The following ZNF717 variants were observed in gnomAD, a reference collection of about 807,000 sequenced individuals.
ZNF717 encodes krueppel-like factor X17.
ZNF717 carries 9 observed loss-of-function variants against 13.8 expected under a neutral mutation model. The observed-to-expected ratio is 0.65, with a 90% CI of 0.39 to 1.14. The LOEUF is 1.14. Among genes scored for constraint, ZNF717 ranks in the 50% most tolerant of loss-of-function variants. The probability of loss-of-function intolerance (pLI) is 0.01; values close to 1 mark genes in which losing one functional copy is unlikely to be tolerated. For missense variants in ZNF717, 1,040 were observed against 1,080.7 expected (o/e 0.96, Z 0.53); for synonymous variants, 327 against 364.1 (o/e 0.90, Z 1.16).
intron 2 of ZNF717, among the ~76,000 whole-genome samples, chr3:75,765,013 A>ATG (rs1559661747): frequency 1.0e-4 from 2 of 19,568 alleles, no homozygotes; most frequent in African/African-American, 2.8e-4. Flanking sequence ...ATATATATAT[A>ATG]TATATATATA....
intron 4 of ZNF717, among the ~76,000 whole-genome samples, chr3:75,739,606 G>T (rs1438788197): frequency 6.6e-6 from 1 of 151,942 alleles, no homozygotes; most frequent in Non-Finnish European, 1.5e-5. Context: ...GAATTATTTG[G>T]TAATAATATG....
intron 6 of ZNF717, among the ~76,000 whole-genome samples, chr3:75,696,902 A>AC (rs1937609761): frequency 1.4e-4 from 2 of 14,572 alleles, no homozygotes; most frequent in Non-Finnish European, 3.9e-4. Context: ...CAAAAAAAAA[A>AC]AAAAAAAAAA....
intron 1 of ZNF717, 195 bp downstream of exon 1, chr3:75,785,189 T>G (rs1269431986): frequency 7.3e-6 from 1 of 136,338 alleles, no homozygotes; most frequent in South Asian, 2.4e-4. Context: ...GTGTTCGCAC[T>G]GGGACAGATG....
rs77971364 is a variant in ZNF717 at position 75,737,051 on chromosome 3, T to A, written c.2572A>T (p.Ser858Cys). 2.8e-5 allele frequency: 44 copies of A among 1,586,782 alleles called. No homozygotes were observed. In the South Asian group the frequency reaches 4.9e-4, roughly 18 times the overall value. The change falls in exon 5 of 5, where the codon AGT becomes TGT. Residue 858 changes from serine to cysteine, a missense_variant. Coordinates refer to ENST00000652011, the MANE Select transcript of ZNF717 (RefSeq NM_001290208.3). ...RKTFSQKSGL[S>C]IHQRTHTGEK... ...CCTGTGTGTGTTCTCTGATGTATAC[T>A]GAGGCCTGACTTCTGGGAGAAAGTT...
chr3:75,751,243 C>A (rs1575832893), intron 2 of ZNF717, among the ~76,000 whole-genome samples: 1 of 151,870 alleles, frequency 6.6e-6, no homozygotes, highest in Non-Finnish European at 1.5e-5. Flanking sequence ...GATTCCAGAA[C>A]TCTCCTGCTG....
chr3:75,710,460 A>T (rs1253595787), exon 6 of ZNF717: 1 of 152,254 alleles, frequency 6.6e-6, no homozygotes, highest in Non-Finnish European at 1.5e-5. Flanking sequence ...TTTCATTCAC[A>T]TCATTATTCT....
In ZNF717 at chr3:75,768,589, C is replaced by T. The variant is rs561810824; in HGVS notation, c.57+14717G>A. Among the ~76,000 whole-genome samples, 170 of 124,802 alleles carry T rather than the reference C, an allele frequency of 1.4e-3. 1 individual carries two copies. Among genetic ancestry groups the T allele is most frequent in the Non-Finnish European group, 2.3e-3 (142 of 61,724 alleles). 81.9% of individuals were successfully genotyped at this position (124,802 alleles called of 152,430 possible). On this transcript the variant is annotated intron_variant, in intron 2 of 4. Transcript: ENST00000652011. ...CCACAACCTCATTCAGTCCTCACTG[C>T]GGCTGAGTGTGGGAGGGGGGTAGAT...
intron 4 of ZNF717, among the ~76,000 whole-genome samples, chr3:75,717,140 C>G (rs1484227235): frequency 6.6e-6 from 1 of 151,764 alleles, no homozygotes. Flanking sequence ...ATACAAAAGA[C>G]AAGCTCTTGA....
intron 2 of ZNF717, among the ~76,000 whole-genome samples, chr3:75,745,225 T>A (rs1941027733): frequency 6.6e-6 from 1 of 151,948 alleles, no homozygotes; most frequent in Non-Finnish European, 1.5e-5. Flanking sequence ...CATATGACAT[T>A]GCAAGTTTTT....
chr3:75,703,382 G>T (rs3009089), intron 6 of ZNF717, among the ~76,000 whole-genome samples: 152,139 of 152,384 alleles, frequency 1, 75,947 homozygotes, highest in Middle Eastern at 1. Context: ...ATACAAAAAT[G>T]AGCTGAGTGT....
chr3:75,714,827 C>T (rs75483914), intron 5 of ZNF717, among the ~76,000 whole-genome samples: 1 of 152,094 alleles, frequency 6.6e-6, no homozygotes, highest in Non-Finnish European at 1.5e-5. Context: ...TTTCATGAGG[C>T]CATTTATCTA....
chr3:75,734,795 T>TTATATATA (rs1295066161), downstream of ZNF717, among the ~76,000 whole-genome samples: 11 of 85,436 alleles, frequency 1.3e-4, no homozygotes, highest in African/African-American at 5.3e-4. Flanking sequence ...ATGTATGCAA[T>TTATATATA]TATATATATA....
In ZNF717 at chr3:75,737,271, T is replaced by C; in HGVS notation, c.2352A>G (p.Lys784=). ...TCCTACATTCATCACATTCATAGGG[T>C]TTCTCTCCTGAGTGAGTCCCCTGAT... ...STHQGTHSGE[K]PYECDECRKT... is the part of the protein sequence containing the mutation. The change falls in exon 5 of 5, where the codon AAA becomes AAG. Residue 784 remains lysine (K), a synonymous_variant. Coordinates refer to ENST00000652011, the MANE Select transcript of ZNF717 (RefSeq NM_001290208.3). The C allele has an allele frequency of 2.6e-6, 4 of 1,552,674 alleles. No individual in the cohort carries two copies. The highest frequency in any genetic ancestry group is 2.6e-6 in the Non-Finnish European group (3 of 1,147,668).
At chr3:75,744,626 A>AGC (rs1940929986) in intron 2 of ZNF717, among the ~76,000 whole-genome samples, 1 of 55,620 alleles carries the variant, frequency 1.8e-5, no homozygotes, top group Non-Finnish European at 5.6e-5. Flanking sequence ...TCTAAGTGTT[A>AGC]AAAACTACAA....
Position 75,737,462 on chromosome 3 carries a change from T to G in ZNF717, c.2161A>C (p.Ile721Leu). ...PFIRRQIFRS[I>L]KVFTRGRNPM... is the part of the protein sequence containing the mutation. The stretch of plus-strand genomic sequence containing the variant: ...TTTCTCCCCCGTGTGAATACCTTGA[T>G]GCTTCTGAAGATTTGCCTTCTGATG... The change falls in exon 5 of 5, where the codon ATC (isoleucine) becomes CTC (leucine). Residue 721 changes from isoleucine (I) to leucine (L), a missense_variant. By Grantham distance (5) the Ile-to-Leu change is conservative (BLOSUM62 2). Transcript: ENST00000652011. 1 of 1,555,508 alleles carries G rather than the reference T, an allele frequency of 6.4e-7. No homozygotes were observed. Among genetic ancestry groups the G allele is most frequent in the Non-Finnish European group, 8.7e-7 (1 of 1,149,296 alleles).
At chr3:75,722,091 C>CAAAAA (rs3035116) in intron 4 of ZNF717, among the ~76,000 whole-genome samples, 1 of 137,920 alleles carries the variant, frequency 7.3e-6, no homozygotes, top group Non-Finnish European at 1.6e-5. Flanking sequence ...ACTAAAAATA[C>CAAAAA]AAAAAAAAAA....
At chr3:75,723,987 C>G (rs79011125) in intron 4 of ZNF717, among the ~76,000 whole-genome samples, 14 of 152,194 alleles carry the variant, frequency 9.2e-5, no homozygotes, top group African/African-American at 2.2e-4. Flanking sequence ...ACACCTGGCT[C>G]GGCCTTCTAG....
chr3:75,783,463 C>G, intron 1 of ZNF717, 99 bp from the exon 2 acceptor site: 1 of 842,378 alleles, frequency 1.2e-6, no homozygotes, highest in South Asian at 1.9e-5. Context: ...CCTGGAAAAG[C>G]CCTCCTCCCT....
chr3:75,736,992 T>A lies in ZNF717; in HGVS notation c.2631A>T (p.Lys877Asn), dbSNP rs969323857. ...TGAGGTGTGACTTCTGGCAAAAGGT[T>A]TTCCCACATTCCTTACATTCATAAG... ...EKPYECKECG[K>N]TFCQKSHLSR... The change falls in exon 5 of 5, where the codon AAA becomes AAT. Residue 877 changes from lysine to asparagine, a missense_variant. Lys to Asn is a moderately conservative substitution (Grantham distance 94, BLOSUM62 0). Around this residue, in one of 3 missense-constraint regions of ZNF717, gnomAD observed 44 missense variants for 70.1 expected, o/e 0.63. Coordinates refer to ENST00000652011, the MANE Select transcript of ZNF717 (RefSeq NM_001290208.3). The A allele has an allele frequency of 6.3e-7, 1 of 1,587,162 alleles. No homozygotes were observed. The highest frequency in any genetic ancestry group is 1.4e-5 in the African/African-American group (1 of 74,008).
Sources: gnomAD v4.1 joint callset for allele counts (sites outside exome capture counted in the v4.1 genomes callset) on GRCh38, gnomAD v4.1.1 for gene constraint, gnomAD v4.1.1 regional missense constraint, MANE v1.5 for transcripts, NCBI Gene and HGNC (gene_info 2026-07-23, HGNC 2026-07-21) for gene names.